Variants in ARHGAP32 observed in about 807,000 individuals in gnomAD.
ARHGAP32 encodes rho GTPase-activating protein 32.
A neutral mutation model predicts 186.5 loss-of-function variants in ARHGAP32; 51 were observed. The ratio of observed to expected loss-of-function variants is 0.27; its 90% CI spans 0.22 to 0.35. ARHGAP32 has a LOEUF of 0.35. ARHGAP32 is among the 10% of genes least tolerant of loss of function. The pLI, the probability that ARHGAP32 is intolerant of heterozygous loss-of-function variation, is 1.00. For synonymous variants in ARHGAP32, 950 were observed against 964.3 expected (o/e 0.99, Z 0.27); for missense variants, 2,186 against 2,623.5 (o/e 0.83, Z 3.64).
intron 1 of ARHGAP32, among the ~76,000 whole-genome samples, chr11:129,236,708 G>GT (rs749264540): frequency 6.6e-5 from 10 of 152,168 alleles, no homozygotes; most frequent in Non-Finnish European, 1.2e-4. Context: ...AACAGGGACA[G>GT]TTTGACTTCC....
intron 10 of ARHGAP32, among the ~76,000 whole-genome samples, chr11:129,048,108 C>A (rs930503577): frequency 1.3e-5 from 2 of 151,806 alleles, no homozygotes; most frequent in African/African-American, 4.8e-5. Context: ...CCCAAAAGCA[C>A]AACATTGCTT....
At chr11:129,138,716 T>G (rs1036883461) in intron 2 of ARHGAP32, among the ~76,000 whole-genome samples, 17 of 152,290 alleles carry the variant, frequency 1.1e-4, no homozygotes, top group African/African-American at 3.6e-4. Flanking sequence ...TCCATATTAT[T>G]TATGTGTCTA....
intron 11 of ARHGAP32, chr11:129,024,156 C>A (rs1408825897): frequency 1.0e-5 from 10 of 985,430 alleles, no homozygotes; most frequent in Non-Finnish European, 1.2e-5. Flanking sequence ...GCTCTGCCTC[C>A]AGGAGCTTAA....
intron 20 of ARHGAP32, among the ~76,000 whole-genome samples, chr11:128,975,751 T>A (rs1945524908): frequency 6.6e-6 from 1 of 152,144 alleles, no homozygotes; most frequent in Non-Finnish European, 1.5e-5. Flanking sequence ...ACTATCTTAA[T>A]AAATATAAAT....
intron 1 of ARHGAP32, among the ~76,000 whole-genome samples, chr11:129,260,551 C>T (rs1945309132): frequency 6.6e-6 from 1 of 151,986 alleles, no homozygotes; most frequent in African/African-American, 2.4e-5. Flanking sequence ...AAAAAATAAG[C>T]TCCTCATTCT....
chr11:129,052,549 C>G (rs946646331), intron 10 of ARHGAP32, among the ~76,000 whole-genome samples: 1 of 151,888 alleles, frequency 6.6e-6, no homozygotes. Context: ...TTATTTGGAT[C>G]TTCTTTAATG....
chr11:129,156,180 G>A (rs1269826284), intron 2 of ARHGAP32, among the ~76,000 whole-genome samples: 4 of 152,208 alleles, frequency 2.6e-5, no homozygotes, highest in Admixed American at 6.5e-5. Context: ...GGCAGACACC[G>A]AGCTAGCTGC....
chr11:129,141,067 C>T (rs1483491465), intron 2 of ARHGAP32, among the ~76,000 whole-genome samples: 4 of 152,128 alleles, frequency 2.6e-5, no homozygotes, highest in Non-Finnish European at 5.9e-5. Flanking sequence ...CTGCACTGCA[C>T]AGCACCTTAA....
At chr11:129,243,654 G>A (rs1023890405) in intron 1 of ARHGAP32, among the ~76,000 whole-genome samples, 1 of 152,052 alleles carries the variant, frequency 6.6e-6, no homozygotes, top group Non-Finnish European at 1.5e-5. Flanking sequence ...ATTCCAATAT[G>A]AGGACTCTTT....
At chr11:129,221,859 C>T (rs1944716845) in intron 1 of ARHGAP32, among the ~76,000 whole-genome samples, 3 of 151,918 alleles carry the variant, frequency 2.0e-5, no homozygotes, top group African/African-American at 7.2e-5. Context: ...TATGCTCCAA[C>T]CCTCTTCTTT....
At chr11:129,191,838 CCTGT>C (rs1852713029) in intron 1 of ARHGAP32, among the ~76,000 whole-genome samples, 1 of 152,182 alleles carries the variant, frequency 6.6e-6, no homozygotes, top group East Asian at 1.9e-4. Context: ...TACTACAAAA[CCTGT>C]CTAACACCTT....
At chr11:129,110,813 G>T (rs1565427329) in intron 5 of ARHGAP32, among the ~76,000 whole-genome samples, 1 of 152,088 alleles carries the variant, frequency 6.6e-6, no homozygotes, top group Non-Finnish European at 1.5e-5. Context: ...TTATTTATCA[G>T]ATCAAAAAGT....
At chr11:129,157,452 A>G (rs1244564760) in intron 2 of ARHGAP32, among the ~76,000 whole-genome samples, 1 of 152,052 alleles carries the variant, frequency 6.6e-6, no homozygotes, top group Non-Finnish European at 1.5e-5. Context: ...TCAATAGCCA[A>G]ATTGATCAAG....
chr11:129,115,179 GT>G (rs1942331588), intron 5 of ARHGAP32, among the ~76,000 whole-genome samples: 1 of 152,074 alleles, frequency 6.6e-6, no homozygotes, highest in African/African-American at 2.4e-5. Context: ...ATAATATTAT[GT>G]GGTCCACCCA....
intron 6 of ARHGAP32, among the ~76,000 whole-genome samples, chr11:129,081,126 G>A (rs1426184402): frequency 2.0e-5 from 3 of 151,422 alleles, no homozygotes; most frequent in Non-Finnish European, 4.4e-5. Context: ...TTTAAAAACT[G>A]CCAACAAAAA....
rs1161804590 is a variant in ARHGAP32, at chr11:128,983,810, T to C, written c.1527-1874A>G. Among the ~76,000 whole-genome samples, 4 of 152,152 alleles carry C rather than the reference T, an allele frequency of 2.6e-5. No individual in the cohort carries two copies. In the East Asian group the frequency reaches 7.7e-4, roughly 29 times the overall value. ...AAATTTAAAAAACCAAAGACATCTA[T>C]TTGGTTTGCCTATCTGATTATAAGG... On this transcript the variant is annotated intron_variant, in intron 15 of 22. Transcript: ENST00000682385.
At position 128,972,628 on chromosome 11, in the gene ARHGAP32, C is replaced by T. The variant is rs1219754029; in HGVS notation, c.3878G>A (p.Ser1293Asn). 1.2e-6 allele frequency: 2 copies of T among 1,611,736 alleles called. No individual in the cohort carries two copies. Among genetic ancestry groups the T allele is most frequent in the Admixed American group, 3.3e-5 (2 of 59,924 alleles). ...ATAQMSTKEA[S>N]WDVAEQPTTA... ...GGTGGGTTGTTCAGCCACATCCCAG[C>T]TGGCTTCCTTGGTGCTCATTTGGGC... Residue 1293 changes from serine (S) to asparagine (N), a missense_variant, in exon 22 of 23, where the codon AGC becomes AAC. Ser to Asn is a conservative substitution (Grantham distance 46). Transcript: ENST00000682385.
intron 11 of ARHGAP32, among the ~76,000 whole-genome samples, chr11:129,008,850 G>A (rs1308419401): frequency 6.6e-6 from 1 of 152,048 alleles, no homozygotes; most frequent in East Asian, 1.9e-4. Flanking sequence ...TAGTATAGTT[G>A]GTTAACTTCA....
At chr11:129,162,551 T>C (rs1392573256) in intron 2 of ARHGAP32, among the ~76,000 whole-genome samples, 2 of 152,158 alleles carry the variant, frequency 1.3e-5, no homozygotes, top group Admixed American at 6.6e-5. Flanking sequence ...TCACATAACT[T>C]GAGCAAACAT....
Sources: allele counts gnomAD v4.1 joint callset (sites outside exome capture counted in the v4.1 genomes callset), GRCh38; gene constraint gnomAD v4.1.1; transcripts MANE v1.5; gene names NCBI Gene and HGNC (gene_info 2026-07-23, HGNC 2026-07-21).